The following KCNQ5 variants were observed in gnomAD, a reference collection of about 807,000 sequenced individuals.
The protein encoded by KCNQ5 is potassium voltage-gated channel subfamily KQT member 5.
In KCNQ5, 30 loss-of-function variants were observed where a neutral mutation model predicts 98.2. The ratio of observed to expected loss-of-function variants is 0.31; its 90% CI spans 0.23 to 0.41. The LOEUF (loss-of-function observed/expected upper bound fraction) is 0.41. KCNQ5 is among the 10% of genes least tolerant of loss of function. The probability of loss-of-function intolerance (pLI) is 1.00; values close to 1 mark genes in which losing one functional copy is unlikely to be tolerated. For synonymous variants in KCNQ5, 458 were observed against 449.4 expected (o/e 1.02, Z -0.24); for missense variants, 835 against 1,182.5 (o/e 0.71, Z 4.31).
chr6:72,658,578 A>ATATATATATATTTTT (rs1226386362), intron 1 of KCNQ5, among the ~76,000 whole-genome samples: 8 of 76,368 alleles, frequency 1.0e-4, no homozygotes, highest in Non-Finnish European at 1.7e-4. Flanking sequence ...ATATATATAT[A>ATATATATATATTTTT]TTTTTTTTTT....
chr6:72,857,878 C>T (rs1777596776), intron 1 of KCNQ5, among the ~76,000 whole-genome samples: 1 of 152,230 alleles, frequency 6.6e-6, no homozygotes, highest in Non-Finnish European at 1.5e-5. Context: ...CACTAATTTA[C>T]ACAGTAAACA....
chr6:73,119,533 T>C (rs921400713), intron 7 of KCNQ5, among the ~76,000 whole-genome samples: 3 of 152,210 alleles, frequency 2.0e-5, no homozygotes, highest in African/African-American at 7.2e-5. Context: ...AATCCGTAGG[T>C]GTTTTGCAGC....
intron 1 of KCNQ5, among the ~76,000 whole-genome samples, chr6:72,938,992 A>G (rs1195912604): frequency 6.6e-6 from 1 of 152,226 alleles, no homozygotes; most frequent in African/African-American, 2.4e-5. Context: ...AAGACATACA[A>G]TATCTAAAAC....
At chr6:72,712,149 G>T (rs1200341161) in intron 1 of KCNQ5, among the ~76,000 whole-genome samples, 1 of 152,168 alleles carries the variant, frequency 6.6e-6, no homozygotes, top group Non-Finnish European at 1.5e-5. Context: ...ATGAATGAAT[G>T]AATGAAGAAT....
At chr6:72,774,988 T>G (rs983424999) in intron 1 of KCNQ5, among the ~76,000 whole-genome samples, 1 of 152,182 alleles carries the variant, frequency 6.6e-6, no homozygotes, top group African/African-American at 2.4e-5. Flanking sequence ...TGTGTCCATA[T>G]GTTCATGAAA....
chr6:72,866,222 A>G (rs1777974572), intron 1 of KCNQ5, among the ~76,000 whole-genome samples: 1 of 138,826 alleles, frequency 7.2e-6, no homozygotes, highest in Non-Finnish European at 1.6e-5. Flanking sequence ...TTTCCCCATC[A>G]TGCTTATTCT....
chr6:72,634,804 G>A (rs949880086), intron 1 of KCNQ5, among the ~76,000 whole-genome samples: 2 of 152,178 alleles, frequency 1.3e-5, no homozygotes, highest in African/African-American at 4.8e-5. Flanking sequence ...CTGACCTCAG[G>A]TGATCCACCT....
At chr6:73,175,401 C>A (rs1562220661) in intron 11 of KCNQ5, among the ~76,000 whole-genome samples, 2 of 151,408 alleles carry the variant, frequency 1.3e-5, no homozygotes, top group African/African-American at 4.9e-5. Flanking sequence ...CTGCCCCCCC[C>A]TTGGCTTCCC....
intron 1 of KCNQ5, among the ~76,000 whole-genome samples, chr6:72,631,363 G>A (rs1334333325): frequency 5.9e-5 from 9 of 152,166 alleles, no homozygotes; most frequent in Admixed American, 5.9e-4. Context: ...GTCAAGGATG[G>A]AAATCTGGAG....
chr6:73,089,092 C>A (rs1201062055), intron 5 of KCNQ5, among the ~76,000 whole-genome samples: 1 of 152,210 alleles, frequency 6.6e-6, no homozygotes, highest in East Asian at 1.9e-4. Context: ...ACCCATAGGG[C>A]TTTCATTCCT....
At position 72,655,034 on chromosome 6, in the gene KCNQ5, T is replaced by G. The variant is rs779856424; in HGVS notation, c.398+32447T>G. Among the ~76,000 whole-genome samples, 570 of 87,638 alleles carry G rather than the reference T, an allele frequency of 6.5e-3. 2 individuals carry two copies. Among genetic ancestry groups the G allele is most frequent in the South Asian group, 0.011 (30 of 2,690 alleles). The allele number at this position is 87,638 out of a possible 152,430, so 57.5% of individuals were successfully genotyped here. ...ATAGCCAAGGTCTGTCTGTCTTTCT[T>G]TCTTTCTTTCTTTCTTTCTTTCTTT... On this transcript the variant is annotated intron_variant, in intron 1 of 13. Transcript: ENST00000370398.
At chr6:73,061,150 C>CTT (rs1772762924) in intron 3 of KCNQ5, among the ~76,000 whole-genome samples, 1 of 152,022 alleles carries the variant, frequency 6.6e-6, no homozygotes, top group African/African-American at 2.4e-5. Context: ...TGTAATACTG[C>CTT]ATATATAGTG....
chr6:73,088,201 A>G (rs1368203324), intron 5 of KCNQ5, among the ~76,000 whole-genome samples: 1 of 151,532 alleles, frequency 6.6e-6, no homozygotes, highest in Non-Finnish European at 1.5e-5. Context: ...TTGTATTTTT[A>G]GTGGAGATGG....
intron 1 of KCNQ5, among the ~76,000 whole-genome samples, chr6:72,962,182 A>G: frequency 7.7e-6 from 1 of 129,284 alleles, no homozygotes; most frequent in Admixed American, 8.2e-5. Context: ...TGTTTCTCTA[A>G]ATATATATAT....
chr6:72,941,714 T>C (rs866465251), intron 1 of KCNQ5, among the ~76,000 whole-genome samples: 1 of 41,002 alleles, frequency 2.4e-5, no homozygotes, highest in Non-Finnish European at 5.4e-5. Flanking sequence ...CTTTCTTTCT[T>C]TCTTTCTTTC....
At chr6:72,709,152 T>C (rs1769235309) in intron 1 of KCNQ5, among the ~76,000 whole-genome samples, 1 of 152,194 alleles carries the variant, frequency 6.6e-6, no homozygotes, top group African/African-American at 2.4e-5. Flanking sequence ...GTGATCAGTT[T>C]TCCTTCCTTT....
intron 1 of KCNQ5, among the ~76,000 whole-genome samples, chr6:72,840,097 T>C (rs949416917): frequency 6.6e-6 from 1 of 152,232 alleles, no homozygotes; most frequent in Non-Finnish European, 1.5e-5. Flanking sequence ...AATTATCTTT[T>C]TTTAAGGCTG....
At chr6:72,659,727 C>A (rs765868379) in intron 1 of KCNQ5, among the ~76,000 whole-genome samples, 23 of 152,330 alleles carry the variant, frequency 1.5e-4, no homozygotes, top group Admixed American at 1.0e-3. Flanking sequence ...GACTTAATTA[C>A]CTCCAAAAGG....
intron 1 of KCNQ5, among the ~76,000 whole-genome samples, chr6:72,967,429 A>G (rs965213886): frequency 2.6e-5 from 4 of 152,206 alleles, no homozygotes; most frequent in African/African-American, 9.6e-5. Flanking sequence ...AGTGAGGAAA[A>G]TGTATGGTGA....
Sources: gnomAD v4.1 joint callset for allele counts (sites outside exome capture counted in the v4.1 genomes callset) on GRCh38, gnomAD v4.1.1 for gene constraint, MANE v1.5 for transcripts, NCBI Gene and HGNC (gene_info 2026-07-23, HGNC 2026-07-21) for gene names.